PTPRZ1: variants seen among roughly 807,000 people sequenced by gnomAD.
PTPRZ1 encodes the protein receptor-type tyrosine-protein phosphatase zeta.
Under a neutral mutation model 214.1 loss-of-function variants are expected in PTPRZ1, and 82 were observed. The observed-to-expected ratio is 0.38, with a 90% CI of 0.32 to 0.46. The LOEUF (loss-of-function observed/expected upper bound fraction) is 0.46. Among genes scored for constraint, PTPRZ1 ranks in the 20% least tolerant of loss-of-function variants. PTPRZ1 has a pLI of 1.00. For synonymous variants in PTPRZ1, 945 were observed against 987.9 expected (o/e 0.96, Z 0.81); for missense variants, 2,603 against 2,748.7 (o/e 0.95, Z 1.19).
chr7:121,970,940 A>G (rs1049952661), intron 3 of PTPRZ1, among the ~76,000 whole-genome samples: 1 of 152,160 alleles, frequency 6.6e-6, no homozygotes, highest in Non-Finnish European at 1.5e-5. Flanking sequence ...TTTTAGGTCT[A>G]ACATTTTAAT....
chr7:121,942,760 A>G (rs566731440), intron 2 of PTPRZ1, among the ~76,000 whole-genome samples: 3 of 152,338 alleles, frequency 2.0e-5, no homozygotes, highest in African/African-American at 7.2e-5. Context: ...AGGTGTTTAT[A>G]TAGATTAGAT....
intron 2 of PTPRZ1, among the ~76,000 whole-genome samples, chr7:121,934,822 A>G (rs1218914603): frequency 6.6e-6 from 1 of 152,182 alleles, no homozygotes; most frequent in East Asian, 1.9e-4. Context: ...TATTCTGGTC[A>G]AACTTTTTCT....
chr7:121,971,448 G>A (rs1261511492), intron 3 of PTPRZ1, among the ~76,000 whole-genome samples: 2 of 152,060 alleles, frequency 1.3e-5, no homozygotes, highest in African/African-American at 4.8e-5. Context: ...GGAGTGTTGA[G>A]GGTTTTGTTT....
chr7:122,019,012 C>G, intron 12 of PTPRZ1, 112 bp from the exon 13 acceptor site: 2 of 1,055,440 alleles, frequency 1.9e-6, no homozygotes, highest in Middle Eastern at 2.9e-4. Flanking sequence ...ATCAAAGAGT[C>G]AAAATTTTAA....
At chr7:121,926,348 T>G (rs912263232) in intron 1 of PTPRZ1, among the ~76,000 whole-genome samples, 11 of 150,960 alleles carry the variant, frequency 7.3e-5, no homozygotes, top group Non-Finnish European at 1.3e-4. Context: ...TAAAGTAAAT[T>G]CTATAATAAA....
In PTPRZ1 at chr7:122,011,452, T is replaced by C. The variant is rs758318725; in HGVS notation, c.2406T>C (p.Ser802=). Residue 802 remains serine (S), a synonymous_variant, in exon 12 of 30, where the codon AGT becomes AGC. Transcript: ENST00000393386. Reference sequence around the variant, plus strand: ...TGCATGCTACGCCTGTATTTCCCAGTGTCGATGTGTCATTTGAATCCATCC... The same window carrying C: ...TGCATGCTACGCCTGTATTTCCCAGCGTCGATGTGTCATTTGAATCCATCC... ...SALHATPVFP[S]VDVSFESILS... is the part of the protein sequence containing the mutation. The C allele has an allele frequency of 7.4e-6, 12 of 1,614,016 alleles. No homozygotes were observed. Among genetic ancestry groups the C allele is most frequent in the Non-Finnish European group, 9.3e-6 (11 of 1,180,022 alleles).
intron 10 of PTPRZ1, among the ~76,000 whole-genome samples, chr7:122,003,258 A>G (rs1244798493): frequency 1.3e-5 from 2 of 152,152 alleles, no homozygotes; most frequent in Non-Finnish European, 2.9e-5. Flanking sequence ...TTTTAACGAG[A>G]AAAAAAGTGA....
intron 8 of PTPRZ1, among the ~76,000 whole-genome samples, chr7:121,993,540 A>ACTC (rs1181077544): frequency 7.1e-6 from 1 of 141,490 alleles, no homozygotes; most frequent in African/African-American, 2.7e-5. Flanking sequence ...GTGGCACTGC[A>ACTC]CTCCAACCTG....
intron 12 of PTPRZ1, among the ~76,000 whole-genome samples, chr7:122,016,985 C>A (rs1266553448): frequency 6.6e-6 from 1 of 152,002 alleles, no homozygotes; most frequent in Non-Finnish European, 1.5e-5. Flanking sequence ...TTGAGCGAAG[C>A]CTAAAATTTG....
At position 122,013,897 on chromosome 7, in the gene PTPRZ1, A is replaced by G. The variant is rs200604008; in HGVS notation, c.4843+8A>G. The G allele has an allele frequency of 2.5e-3, 4,027 of 1,590,030 alleles. 8 individuals are homozygous for G. The highest frequency in any genetic ancestry group is 2.8e-3 in the Non-Finnish European group (3,290 of 1,166,354). On this transcript the variant is annotated splice_region_variant and intron_variant, in intron 12 of 29. Coordinates refer to ENST00000393386, the MANE Select transcript of PTPRZ1 (RefSeq NM_002851.3). ...TCCACGTTTCAGAGGCAGGTTAGTT[A>G]CGGATCAGAAGGACAGATTGAGGTG...
At position 122,053,960 on chromosome 7, in the gene PTPRZ1, T is replaced by C; in HGVS notation, c.6303T>C (p.His2101=). Residue 2101 remains histidine (H), a synonymous_variant, in exon 26 of 30, where the codon CAT becomes CAC. Transcript: ENST00000393386. ...EFIITQHPLL[H]TIKDFWRMIW... is the part of the protein sequence containing the mutation. ...TCATTACCCAGCACCCTCTCCTTCATACCATCAAGGATTTCTGGAGGATGA... is the reference window on the plus strand; with the variant it reads ...TCATTACCCAGCACCCTCTCCTTCACACCATCAAGGATTTCTGGAGGATGA... 1 of 1,613,234 alleles carries C rather than the reference T, an allele frequency of 6.2e-7. No homozygotes were observed. Among genetic ancestry groups the C allele is most frequent in the Non-Finnish European group, 8.5e-7 (1 of 1,179,346 alleles).
chr7:122,055,174 A>C, intron 27 of PTPRZ1, 87 bp downstream of exon 27: 1 of 1,128,690 alleles, frequency 8.9e-7, no homozygotes, highest in East Asian at 2.8e-5. Flanking sequence ...AGAAATGAAA[A>C]GCATGATTCT....
At chr7:121,922,284 C>T (rs1324414833) in intron 1 of PTPRZ1, among the ~76,000 whole-genome samples, 1 of 152,100 alleles carries the variant, frequency 6.6e-6, no homozygotes, top group Non-Finnish European at 1.5e-5. Context: ...TGGCTGGGCA[C>T]GGTGGCTCAT....
At chr7:122,043,562 G>C (rs1343328407) in intron 22 of PTPRZ1, among the ~76,000 whole-genome samples, 1 of 152,158 alleles carries the variant, frequency 6.6e-6, no homozygotes, top group South Asian at 2.1e-4. Context: ...ATGGCAGCTT[G>C]AAAGCAATCA....
rs1799650009 is a variant in PTPRZ1 at position 122,039,491 on chromosome 7, A to G, written c.5540A>G (p.Glu1847Gly). 6.2e-7 allele frequency: 1 copy of G among 1,613,930 alleles called. No individual in the cohort carries two copies. The highest frequency in any genetic ancestry group is 1.3e-5 in the African/African-American group (1 of 74,914). Residue 1847 changes from glutamate to glycine, a missense_variant, in exon 20 of 30, where the codon GAG (glutamate) becomes GGG (glycine). Physicochemically the swap from Glu to Gly is moderately conservative, Grantham distance 98. This residue lies in a region of PTPRZ1 where 1,913 missense variants were observed against 1,914.3 expected (regional missense o/e 1.00). Coordinates refer to ENST00000393386, the MANE Select transcript of PTPRZ1 (RefSeq NM_002851.3). ...CDQYWPADGSEEYGNFLVTQK... is the reference protein window; with the variant it reads ...CDQYWPADGSGEYGNFLVTQK... ...CAGTACTGGCCTGCCGATGGGAGTG[A>G]GGAGTACGGGAACTTTCTGGTCACT...
chr7:122,011,815 G>A lies in PTPRZ1; in HGVS notation c.2769G>A (p.Gly923=). The change falls in exon 12 of 30, where the codon GGG becomes GGA. Residue 923 remains glycine, a synonymous_variant. Coordinates refer to ENST00000393386, the MANE Select transcript of PTPRZ1 (RefSeq NM_002851.3). ...CCATGATGCATGCACGTTCTTCAGGGCCTGAACCTTCTTATGCCTTGTCTG... is the reference window on the plus strand; with the variant it reads ...CCATGATGCATGCACGTTCTTCAGGACCTGAACCTTCTTATGCCTTGTCTG... The part of the protein sequence containing the change: ...SDAMMHARSS[G]PEPSYALSDN... 1 of 1,614,070 alleles carries A rather than the reference G, an allele frequency of 6.2e-7. No homozygotes were observed. Among genetic ancestry groups the A allele is most frequent in the Non-Finnish European group, 8.5e-7 (1 of 1,179,970 alleles).
chr7:121,963,029 A>T (rs1471048890), intron 2 of PTPRZ1, among the ~76,000 whole-genome samples: 1 of 152,168 alleles, frequency 6.6e-6, no homozygotes, highest in African/African-American at 2.4e-5. Flanking sequence ...CTAAAAAAAA[A>T]ATCATTTTTT....
Position 121,883,021 on chromosome 7 carries a change from G to C in PTPRZ1, c.58+9464G>C, listed in dbSNP as rs143753915. Among the ~76,000 whole-genome samples, 1,193 of 152,296 alleles carry C rather than the reference G, an allele frequency of 7.8e-3. 13 individuals are homozygous for C. Among genetic ancestry groups the C allele is most frequent in the South Asian group, 0.032 (155 of 4,828 alleles). On this transcript the variant is annotated intron_variant, in intron 1 of 29. Transcript: ENST00000393386. ...AGAGAAATATCCAGGAAGGAAAAGA[G>C]AAGGTAGCAAATACATACAAGTCCA...
At position 121,983,740 on chromosome 7, in the gene PTPRZ1, A is replaced by G. The variant is rs748262790; in HGVS notation, c.695A>G (p.Asn232Ser). ...PNSTDKYYIYNGSLTSPPCTD... is the reference protein window; with the variant it reads ...PNSTDKYYIYSGSLTSPPCTD... Reference sequence around the variant, plus strand: ...TCAACTGACAAGTATTACATTTACAATGGCTCATTGACATCTCCTCCCTGC... The same window carrying G: ...TCAACTGACAAGTATTACATTTACAGTGGCTCATTGACATCTCCTCCCTGC... The change falls in exon 7 of 30, where the codon AAT (asparagine) becomes AGT (serine). Residue 232 changes from asparagine (N) to serine (S), a missense_variant. Around this residue, in one of 6 missense-constraint regions of PTPRZ1, gnomAD observed 244 missense variants for 333.2 expected, o/e 0.73. Transcript: ENST00000393386. The G allele has an allele frequency of 3.1e-6, 5 of 1,613,616 alleles. No individual in the cohort carries two copies. The Admixed American group carries it at 8.3e-5, about 27-fold the overall frequency.
Sources: allele counts gnomAD v4.1 joint callset (sites outside exome capture counted in the v4.1 genomes callset), GRCh38; gene constraint gnomAD v4.1.1; regional missense constraint gnomAD v4.1.1; transcripts MANE v1.5; gene names NCBI Gene and HGNC (gene_info 2026-07-23, HGNC 2026-07-21).